Variants in LGSN observed in about 807,000 individuals in gnomAD.
LGSN encodes the protein lengsin, lens protein with glutamine synthetase domain.
A neutral mutation model predicts 19.5 loss-of-function variants in LGSN; 21 were observed. The ratio of observed to expected loss-of-function variants is 1.07; its 90% confidence interval spans 0.76 to 1.55. LGSN has a LOEUF of 1.55. LGSN is among the 40% of genes most tolerant of loss of function. The probability of loss-of-function intolerance (pLI) is 0.00; values close to 1 mark genes in which losing one functional copy is unlikely to be tolerated. For synonymous variants in LGSN, 257 were observed against 215.6 expected (o/e 1.19, Z -1.68); for missense variants, 673 against 608.5 (o/e 1.11, Z -1.12).
At chr6:63,412,529 GGAAAGAAAGAAA>G in the LGSN span, among the ~76,000 whole-genome samples, 12 of 32,404 alleles carry the variant, frequency 3.7e-4, no homozygotes, top group African/African-American at 1.0e-3. Flanking sequence ...AAAGAAAGAA[GGAAAGAAAGAAA>G]GAAAGAAAGA....
the LGSN span, among the ~76,000 whole-genome samples, chr6:63,483,719 T>C: frequency 2.0e-5 from 3 of 152,172 alleles, no homozygotes; most frequent in Non-Finnish European, 4.4e-5. Flanking sequence ...GGCTTTCCCA[T>C]GGCTTATAGA....
chr6:63,422,070 G>T, the LGSN span, among the ~76,000 whole-genome samples: 1 of 152,072 alleles, frequency 6.6e-6, no homozygotes, highest in African/African-American at 2.4e-5. Context: ...ATTTTTTGTT[G>T]TTTTGTTGAG....
intron 2 of LGSN, among the ~76,000 whole-genome samples, chr6:63,292,485 C>T (rs924838127): frequency 2.0e-5 from 3 of 152,094 alleles, no homozygotes; most frequent in African/African-American, 7.2e-5. Context: ...GGTTCTAGGC[C>T]ACGCCAGAAA....
At chr6:63,436,891 G>C in the LGSN span, among the ~76,000 whole-genome samples, 1 of 149,922 alleles carries the variant, frequency 6.7e-6, no homozygotes, top group African/African-American at 2.4e-5. Context: ...CAAAAAAATA[G>C]CTGGGCATGG....
At chr6:63,571,276 G>C in the LGSN span, 1 of 152,162 alleles carries the variant, frequency 6.6e-6, no homozygotes, top group Non-Finnish European at 1.5e-5. Context: ...GCAGGGCACT[G>C]AAAGAGGACA....
chr6:63,441,450 G>T, the LGSN span: 1 of 448,458 alleles, frequency 2.2e-6, no homozygotes, highest in South Asian at 1.9e-5. Flanking sequence ...TGGCCAAGGT[G>T]GCAGGTGATT....
At chr6:63,383,042 G>C in the LGSN span, among the ~76,000 whole-genome samples, 1 of 152,100 alleles carries the variant, frequency 6.6e-6, no homozygotes, top group Non-Finnish European at 1.5e-5. Flanking sequence ...AAATTCAAAA[G>C]ACTGCTTAAC....
the LGSN span, among the ~76,000 whole-genome samples, chr6:63,454,954 G>A: frequency 1.3e-5 from 2 of 151,578 alleles, no homozygotes; most frequent in Non-Finnish European, 1.5e-5. Context: ...CACCACGCCC[G>A]GCTAATTTTT....
At chr6:63,434,534 A>G in the LGSN span, among the ~76,000 whole-genome samples, 3 of 150,264 alleles carry the variant, frequency 2.0e-5, no homozygotes, top group African/African-American at 4.9e-5. Flanking sequence ...CAAAGCTGTC[A>G]TATCACCTGA....
the LGSN span, among the ~76,000 whole-genome samples, chr6:63,406,934 A>G: frequency 1.3e-5 from 2 of 152,194 alleles, no homozygotes; most frequent in Non-Finnish European, 2.9e-5. Context: ...TCTAGAAGAA[A>G]TGGGTAAATT....
the LGSN span, chr6:63,392,340 C>T: frequency 1.6e-4 from 25 of 152,384 alleles, no homozygotes; most frequent in Admixed American, 1.3e-3. Flanking sequence ...AGACAAACCT[C>T]CACAGCAGGG....
chr6:63,412,461 A>AGAAAGAAG, the LGSN span, among the ~76,000 whole-genome samples: 1 of 131,252 alleles, frequency 7.6e-6, no homozygotes, highest in African/African-American at 3.5e-5. Context: ...AAAGAAAGAA[A>AGAAAGAAG]GAAAAAGAGA....
chr6:63,427,357 T>C, the LGSN span, among the ~76,000 whole-genome samples: 2 of 152,096 alleles, frequency 1.3e-5, no homozygotes, highest in Non-Finnish European at 2.9e-5. Context: ...CTCTTTTTCA[T>C]AGTTACTTTT....
At chr6:63,480,070 T>C in the LGSN span, 1 of 159,474 alleles carries the variant, frequency 6.3e-6, no homozygotes, top group South Asian at 1.8e-4. Context: ...CTCTTAGTGC[T>C]AGGCATTCAC....
chr6:63,288,533 A>G (rs1767638121), intron 2 of LGSN, among the ~76,000 whole-genome samples: 1 of 151,974 alleles, frequency 6.6e-6, no homozygotes, highest in Non-Finnish European at 1.5e-5. Flanking sequence ...GACAGCTCTA[A>G]CCCTTGATTA....
the LGSN span, among the ~76,000 whole-genome samples, chr6:63,558,716 G>GT: frequency 1.3e-5 from 2 of 152,196 alleles, no homozygotes; most frequent in Non-Finnish European, 2.9e-5. Flanking sequence ...AGTCCTCTAA[G>GT]TAAGTCTGAA....
the LGSN span, among the ~76,000 whole-genome samples, chr6:63,381,191 G>A: frequency 6.6e-6 from 1 of 152,154 alleles, no homozygotes; most frequent in African/African-American, 2.4e-5. Flanking sequence ...GACAGAGTGA[G>A]ACCCTGTCTC....
the LGSN span, among the ~76,000 whole-genome samples, chr6:63,363,764 G>A: frequency 6.6e-6 from 1 of 152,136 alleles, no homozygotes; most frequent in Non-Finnish European, 1.5e-5. Flanking sequence ...GAACCAAGTT[G>A]GAAAACACTC....
At chr6:63,433,705 A>G in the LGSN span, among the ~76,000 whole-genome samples, 1 of 152,232 alleles carries the variant, frequency 6.6e-6, no homozygotes, top group Non-Finnish European at 1.5e-5. Context: ...CTCTCTTCAA[A>G]GTAATTCTAC....
Sources: allele counts gnomAD v4.1 joint callset (sites outside exome capture counted in the v4.1 genomes callset), GRCh38; gene constraint gnomAD v4.1.1; transcripts MANE v1.5; gene names NCBI Gene and HGNC (gene_info 2026-07-23, HGNC 2026-07-21).